Variants in OSBPL10 observed in about 807,000 individuals in gnomAD.
The protein encoded by OSBPL10 is oxysterol binding protein like 10, also known as oxysterol-binding protein-related protein 10.
Under a neutral mutation model 81.7 loss-of-function variants are expected in OSBPL10, and 49 were observed. The ratio of observed to expected loss-of-function variants is 0.60; its 90% CI spans 0.48 to 0.76. OSBPL10 has a LOEUF of 0.76. OSBPL10 is among the 30% of genes least tolerant of loss of function. The pLI is 0.00. For synonymous variants in OSBPL10, 419 were observed against 383.6 expected (o/e 1.09, Z -1.08); for missense variants, 923 against 987.8 (o/e 0.93, Z 0.88).
At chr3:31,904,846 T>C (rs1222870756) in intron 1 of OSBPL10, among the ~76,000 whole-genome samples, 2 of 152,206 alleles carry the variant, frequency 1.3e-5, no homozygotes, top group Admixed American at 6.5e-5. Flanking sequence ...CGAGTTCAAA[T>C]CAAGGTGGAA....
chr3:31,912,508 AG>A (rs1484579562), intron 1 of OSBPL10, among the ~76,000 whole-genome samples: 3 of 152,190 alleles, frequency 2.0e-5, no homozygotes, highest in Non-Finnish European at 4.4e-5. Context: ...AGAAACAAGC[AG>A]TGTTTTCTAA....
chr3:31,814,138 AACAAG>A (rs1326604420), intron 4 of OSBPL10, among the ~76,000 whole-genome samples: 1 of 152,186 alleles, frequency 6.6e-6, no homozygotes, highest in Non-Finnish European at 1.5e-5. Flanking sequence ...GACAAGCTCC[AACAAG>A]ACTACCGCTA....
chr3:31,832,890 A>G (rs1700280391), intron 3 of OSBPL10, among the ~76,000 whole-genome samples: 1 of 152,214 alleles, frequency 6.6e-6, no homozygotes, highest in South Asian at 2.1e-4. Flanking sequence ...AAACTGTTAA[A>G]TGTTAATGAT....
chr3:32,040,732 G>A (rs765236455), intron 2 of OSBPL10, among the ~76,000 whole-genome samples: 3 of 152,096 alleles, frequency 2.0e-5, no homozygotes, highest in Non-Finnish European at 4.4e-5. Flanking sequence ...AGCTAAACAG[G>A]AGGCTGAGGT....
At position 31,924,392 on chromosome 3, in the gene OSBPL10, C is replaced by T. The variant is rs79563297; in HGVS notation, c.282-44562G>A. Among the ~76,000 whole-genome samples the T allele has an allele frequency of 1.1e-4, 17 of 152,220 alleles. No individual in the cohort carries two copies. In the South Asian group the frequency reaches 1.7e-3, roughly 15 times the overall value. ...CCCGGGTCCAGCCACCCAGCCTCTC[C>T]GGGCAGCACCTTCCTTGTGAGGTAT... On this transcript the variant is annotated intron_variant, in intron 1 of 11. Coordinates refer to ENST00000396556, the MANE Select transcript of OSBPL10 (RefSeq NM_017784.5).
intron 1 of OSBPL10, among the ~76,000 whole-genome samples, chr3:31,965,414 TTATA>T (rs1170296564): frequency 1.8e-5 from 2 of 111,722 alleles, no homozygotes; most frequent in Middle Eastern, 4.0e-3. Flanking sequence ...AAAATATATA[TTATA>T]TATAATAGAT....
chr3:31,677,873 A>T (rs1700521562), intron 8 of OSBPL10, among the ~76,000 whole-genome samples: 1 of 149,394 alleles, frequency 6.7e-6, no homozygotes, highest in African/African-American at 2.6e-5. Context: ...TGAGGTCAGG[A>T]GATCGAGACC....
intron 4 of OSBPL10, among the ~76,000 whole-genome samples, chr3:31,818,013 G>A (rs1435150115): frequency 6.6e-6 from 1 of 152,208 alleles, no homozygotes; most frequent in African/African-American, 2.4e-5. Context: ...GGCTGAGGTA[G>A]GAGGATGGCT....
chr3:31,966,433 A>G (rs1007083599), intron 1 of OSBPL10, among the ~76,000 whole-genome samples: 4 of 151,862 alleles, frequency 2.6e-5, no homozygotes, highest in Non-Finnish European at 5.9e-5. Flanking sequence ...AAAATAAAAA[A>G]TATTAGAATA....
intron 1 of OSBPL10, among the ~76,000 whole-genome samples, chr3:31,923,671 T>C (rs1575617477): frequency 6.6e-6 from 1 of 152,138 alleles, no homozygotes; most frequent in Admixed American, 6.5e-5. Flanking sequence ...CCTGTAGTCC[T>C]ACCTACTCAG....
In OSBPL10 at chr3:31,764,376, C is replaced by T. The variant is rs565601856; in HGVS notation, c.730-16256G>A. Among the ~76,000 whole-genome samples the T allele has an allele frequency of 8.2e-4, 124 of 152,124 alleles. 1 individual carries two copies. Among genetic ancestry groups the T allele is most frequent in the African/African-American group, 2.9e-3 (120 of 41,484 alleles). ...CATAATGTCTTATTCAAAGGAGATG[C>T]CTGATGTATGTTTGTTGGGTGGATA... On this transcript the variant is annotated intron_variant, in intron 4 of 11. Coordinates refer to ENST00000396556, the MANE Select transcript of OSBPL10 (RefSeq NM_017784.5).
At chr3:31,989,595 A>G in intron 2 of OSBPL10, 2 of 1,614,170 alleles carry the variant, frequency 1.2e-6, no homozygotes, top group South Asian at 1.1e-5. Flanking sequence ...TTCAGACCAA[A>G]GGGAAAGTTG....
At chr3:31,898,951 CTTTTTTTTTTTTTT>C (rs201574850) in intron 1 of OSBPL10, among the ~76,000 whole-genome samples, 25 of 87,368 alleles carry the variant, frequency 2.9e-4, no homozygotes, top group East Asian at 1.6e-3. Context: ...AACTTTAAAC[CTTTTTTTTTTTTTT>C]TTTTTTTTTT....
chr3:32,069,263 G>A (rs1359334798), intron 1 of OSBPL10, among the ~76,000 whole-genome samples: 4 of 152,148 alleles, frequency 2.6e-5, no homozygotes, highest in South Asian at 2.1e-4. Flanking sequence ...CCAGATGAAC[G>A]GGAAAGAGTT....
chr3:31,797,402 G>A (rs1699256606), intron 4 of OSBPL10, among the ~76,000 whole-genome samples: 1 of 152,218 alleles, frequency 6.6e-6, no homozygotes, highest in African/African-American at 2.4e-5. Flanking sequence ...TTGGCTCTTA[G>A]ATGGAATCTC....
intron 1 of OSBPL10, among the ~76,000 whole-genome samples, chr3:31,912,856 T>A (rs6796319): frequency 2.0e-5 from 3 of 152,022 alleles, no homozygotes; most frequent in South Asian, 2.1e-4. Flanking sequence ...CATGGCCTGC[T>A]CAATCCATTT....
At position 31,986,877 on chromosome 3, in the gene OSBPL10, T is replaced by C. The variant is rs538202054; in HGVS notation, n.298+59614A>G. 5.7e-4 allele frequency among the ~76,000 whole-genome samples: 86 copies of C among 152,118 alleles called. No homozygotes were observed. The East Asian group carries it at 6.8e-3, about 12-fold the overall frequency. On this transcript the variant is annotated intron_variant and non_coding_transcript_variant, in intron 2 of 3. Transcript: ENST00000479173. ...AAAATAAGCCAGCCACAGTGGCACA[T>C]GTACCTGTAGTCCCAGCTACTCAGG...
intron 6 of OSBPL10, among the ~76,000 whole-genome samples, chr3:31,708,098 T>A (rs984651713): frequency 3.5e-4 from 54 of 152,268 alleles, no homozygotes; most frequent in African/African-American, 1.3e-3. Flanking sequence ...TCAGTTAAAA[T>A]TTTTAAATTT....
chr3:31,877,393 G>A (rs2125633716), intron 2 of OSBPL10, among the ~76,000 whole-genome samples: 1 of 152,264 alleles, frequency 6.6e-6, no homozygotes, highest in East Asian at 1.9e-4. Context: ...AGATATTAAA[G>A]TGCAAGTAGT....
Sources: gnomAD v4.1 joint callset for allele counts (sites outside exome capture counted in the v4.1 genomes callset) on GRCh38, gnomAD v4.1.1 for gene constraint, MANE v1.5 for transcripts, NCBI Gene and HGNC (gene_info 2026-07-23, HGNC 2026-07-21) for gene names.